SETD1B: variants seen among roughly 807,000 people sequenced by gnomAD.
SETD1B encodes the protein SET domain containing 1B, histone lysine methyltransferase.
In SETD1B, 7 loss-of-function variants were observed where a neutral mutation model predicts 148.0. That is an observed-to-expected ratio of 0.05 (90% CI 0.03 to 0.09). The LOEUF is 0.09. SETD1B is among the 10% of genes least tolerant of loss of function. The probability of loss-of-function intolerance (pLI) is 1.00; values close to 1 mark genes in which losing one functional copy is unlikely to be tolerated. For missense variants in SETD1B, 2,155 were observed against 2,729.9 expected, an observed-to-expected ratio of 0.79 and a Z score of 4.69; for synonymous variants, 1,361 against 1,186.5, an observed-to-expected ratio of 1.15 and a Z score of -3.02.
Position 121,804,674 on chromosome 12 carries a change from GGCC to G in SETD1B, c.-14-35_-14-33del, listed in dbSNP as rs939263746. ...GATTCTTTCGCGTGTGTGTAGAAGC[GGCC>G]GCCGCCGCCGCCGCGGCGGAGACGA... On this transcript the variant is annotated intron_variant, in intron 1 of 16. Transcript: ENST00000604567. The surrounding 1 kb of genome is among the most constrained non-coding windows in gnomAD (Gnocchi z 4.6). The G allele has an allele frequency of 2.6e-4, 388 of 1,490,222 alleles. No individual in the cohort carries two copies. The highest frequency in any genetic ancestry group is 4.7e-4 in the Middle Eastern group (2 of 4,216). 92.3% of individuals were successfully genotyped at this position (1,490,222 alleles called of 1,614,324 possible). A position where few individuals can be genotyped will look rare whatever the true frequency, so the allele number is the denominator to read the frequency against.
In SETD1B at chr12:121,827,815, C is replaced by T. The variant is rs1286012571; in HGVS notation, c.5550C>T (p.Asp1850=). The T allele has an allele frequency of 2.2e-5, 35 of 1,560,104 alleles. No individual in the cohort carries two copies. In the Admixed American group the frequency reaches 4.2e-4, roughly 19 times the overall value. The change falls in exon 15 of 17, where the codon GAC becomes GAT. Residue 1850 remains aspartate, a synonymous_variant. Transcript: ENST00000604567. ...GLFAMEPIAA[D]EMVIEYVGQN... ...TCGCCATGGAGCCCATCGCGGCTGA[C>T]GAGATGGTCATCGAGTACGTGGGCC... is the stretch of plus-strand genomic sequence containing the variant.
chr12:121,810,742 C>T lies in SETD1B; in HGVS notation c.1797C>T (p.Gly599=), dbSNP rs544961879. Residue 599 remains glycine, a synonymous_variant, in exon 6 of 17, where the codon GGC becomes GGT. Transcript: ENST00000604567. The surrounding 1 kb of genome is among the most constrained non-coding windows in gnomAD (Gnocchi z 7.6). ...GGCCTCGGCCTCCACCTGAGCCAGGCCCCCCGGACCCTGCTGGGCTTCTGA... is the reference window on the plus strand; with the variant it reads ...GGCCTCGGCCTCCACCTGAGCCAGGTCCCCCGGACCCTGCTGGGCTTCTGA... ...GLGPRPPPEP[G]PPDPAGLLSQ... is the part of the protein sequence containing the mutation. 4.6e-4 allele frequency: 712 copies of T among 1,550,430 alleles called. No individual in the cohort carries two copies. The highest frequency in any genetic ancestry group is 5.7e-4 in the Non-Finnish European group (652 of 1,146,330).
the SETD1B span, chr12:121,793,528 G>A: frequency 1.7e-4 from 268 of 1,544,142 alleles, 1 homozygote; most frequent in Non-Finnish European, 2.2e-4. Flanking sequence ...TACACCATGA[G>A]CAGCGAGGTC....
chr12:121,824,033 GCA>G (rs955869854), intron 12 of SETD1B, among the ~76,000 whole-genome samples: 1 of 152,250 alleles, frequency 6.6e-6, no homozygotes, highest in African/African-American at 2.4e-5. Context: ...CAGCTTAACA[GCA>G]CACACGGGCG....
rs71079098 is a variant in SETD1B, at chr12:121,817,631, CGGAGGAGGA to C, written c.3252_3260del (p.Glu1085_Glu1087del). ...GAGAGCACCGAGGAGGAAGAGGAGG[CGGAGGAGGA>C]GGAGGAGGAGGAAGTCCCCAGGAGC... On this transcript the variant is annotated inframe_deletion, in exon 9 of 17. Transcript: ENST00000604567. This position sits in a 1 kb window ranked among gnomAD's most constrained non-coding sequence, Gnocchi z 8.1. 2.6e-6 allele frequency: 4 copies of C among 1,548,486 alleles called. No individual in the cohort carries two copies. Among genetic ancestry groups the C allele is most frequent in the African/African-American group, 2.7e-5 (2 of 72,766 alleles).
chr12:121,819,845 C>T lies in SETD1B; in HGVS notation c.3860C>T (p.Pro1287Leu), dbSNP rs1876483885. ...EGAMLLSPEP[P>L]AKEVEARPPL... Reference sequence around the variant, plus strand: ...GCCATGTTGCTGTCTCCAGAGCCCCCTGCCAAGGAGGTGGAGGCTCGACCC... The same window carrying T: ...GCCATGTTGCTGTCTCCAGAGCCCCTTGCCAAGGAGGTGGAGGCTCGACCC... The change falls in exon 11 of 17, where the codon CCT becomes CTT. Residue 1287 changes from proline to leucine, a missense_variant. By Grantham distance (98) the Pro-to-Leu change is moderately conservative. Transcript: ENST00000604567. The T allele has an allele frequency of 1.3e-6, 2 of 1,551,340 alleles. No individual in the cohort carries two copies. The highest frequency in any genetic ancestry group is 1.7e-6 in the Non-Finnish European group (2 of 1,146,918).
Position 121,810,241 on chromosome 12 carries a change from G to C in SETD1B, c.1296G>C (p.Pro432=). ...ACAGTGGGGAGTTCCGGAGGGCACC[G>C]GCGCCCCCACCCCTGCCACCTGCTG... ...ARDSGEFRRA[P]APPPLPPAEP... is the part of the protein sequence containing the mutation. The change falls in exon 6 of 17, where the codon CCG becomes CCC. Residue 432 remains proline (P), a synonymous_variant. Transcript: ENST00000604567. This position sits in a 1 kb window ranked among gnomAD's most constrained non-coding sequence, Gnocchi z 7.6. 2 of 1,547,128 alleles carry C rather than the reference G, an allele frequency of 1.3e-6. No homozygotes were observed. The highest frequency in any genetic ancestry group is 1.7e-6 in the Non-Finnish European group (2 of 1,146,812).
chr12:121,815,680 G>T (rs979123636), intron 7 of SETD1B, among the ~76,000 whole-genome samples: 1 of 151,914 alleles, frequency 6.6e-6, no homozygotes. Context: ...CAGCTAATTT[G>T]TGTGTTTTTC....
Position 121,809,674 on chromosome 12 carries a change from C to T in SETD1B, c.729C>T (p.Val243=). The T allele has an allele frequency of 6.4e-7, 1 of 1,551,672 alleles. No individual in the cohort carries two copies. Among genetic ancestry groups the T allele is most frequent in the Non-Finnish European group, 8.7e-7 (1 of 1,146,994 alleles). Residue 243 remains valine, a synonymous_variant, in exon 6 of 17, where the codon GTC becomes GTT. Transcript: ENST00000604567. ...SAGCGSGSSS[V]TPNSGGTPFS... is the part of the protein sequence containing the mutation. ...GCTGTGGCTCCGGCTCCTCCTCTGTCACCCCCAATAGCGGTGGGACACCCT... is the reference window on the plus strand; with the variant it reads ...GCTGTGGCTCCGGCTCCTCCTCTGTTACCCCCAATAGCGGTGGGACACCCT...
the SETD1B span, chr12:121,794,206 G>C: frequency 6.5e-6 from 1 of 152,792 alleles, no homozygotes; most frequent in Non-Finnish European, 1.5e-5. Flanking sequence ...CAGGGAAGAT[G>C]CTGACGCGAG....
rs907823002 is a variant in SETD1B, at chr12:121,819,722, G to A, written c.3737G>A (p.Arg1246Gln). 13 of 1,551,028 alleles carry A rather than the reference G, an allele frequency of 8.4e-6. No individual in the cohort carries two copies. The highest frequency in any genetic ancestry group is 2.4e-5 in the South Asian group (2 of 84,048). ...IETEAVAPEE[R>Q]PSMLDEPPLP... ...ACTGAGGCTGTGGCCCCTGAGGAGC[G>A]GCCCTCCATGCTGGACGAGCCCCCC... The change falls in exon 11 of 17, where the codon CGG becomes CAG. Residue 1246 changes from arginine (R) to glutamine (Q), a missense_variant. By Grantham distance (43) the Arg-to-Gln change is conservative. Transcript: ENST00000604567.
rs1185061392 is a variant in SETD1B, at chr12:121,814,370, G to C, written c.2155G>C (p.Ala719Pro). 1.9e-6 allele frequency: 1 copy of C among 514,944 alleles called. No individual in the cohort carries two copies. Among genetic ancestry groups the C allele is most frequent in the Non-Finnish European group, 3.0e-6 (1 of 337,178 alleles). 31.9% of individuals were successfully genotyped at this position (514,944 alleles called of 1,614,324 possible). ...LPPPPPPPPP[A>P]HPAVTVPPPP... is the part of the protein sequence containing the mutation. Reference sequence around the variant, plus strand: ...CCCACCGCCGCCCCCACCCCCTCCAGCCCACCCTGCTGTGACAGTGCCCCC... The same window carrying C: ...CCCACCGCCGCCCCCACCCCCTCCACCCCACCCTGCTGTGACAGTGCCCCC... The change falls in exon 7 of 17, where the codon GCC (alanine) becomes CCC (proline). Residue 719 changes from alanine (A) to proline (P), a missense_variant. Ala to Pro is a conservative substitution (Grantham distance 27). Transcript: ENST00000604567.
chr12:121,820,777 C>T (rs753302353), intron 11 of SETD1B, among the ~76,000 whole-genome samples: 1 of 152,222 alleles, frequency 6.6e-6, no homozygotes, highest in Non-Finnish European at 1.5e-5. Flanking sequence ...TCATGATCCA[C>T]CCACCTCGGC....
chr12:121,813,983 T>C, intron 6 of SETD1B, 123 bp from the exon 7 acceptor site: 1 of 743,388 alleles, frequency 1.3e-6, no homozygotes, highest in Non-Finnish European at 2.1e-6. Flanking sequence ...TTGGAGAGGC[T>C]GAATGGCTTG....
chr12:121,812,643 G>A (rs553304646), intron 6 of SETD1B, among the ~76,000 whole-genome samples: 1 of 152,132 alleles, frequency 6.6e-6, no homozygotes, highest in South Asian at 2.1e-4. Flanking sequence ...TGTGTGCCGC[G>A]GCGCGCTGTG....
Position 121,810,190 on chromosome 12 carries a change from C to T in SETD1B, c.1245C>T (p.Thr415=), listed in dbSNP as rs768205948. 3.0e-5 allele frequency: 46 copies of T among 1,549,600 alleles called. No individual in the cohort carries two copies. The highest frequency in any genetic ancestry group is 1.5e-4 in the South Asian group (13 of 84,036). ...TCCCTCCACCCCCGGAAGAGCCCAC[C>T]GCCACAGCCGCTTTTGGGGCCCGCG... ...AHFPPPPEEP[T]ATAAFGARDS... The change falls in exon 6 of 17, where the codon ACC becomes ACT. Residue 415 remains threonine, a synonymous_variant. Coordinates refer to ENST00000604567, the MANE Select transcript of SETD1B (RefSeq NM_001353345.2). This position sits in a 1 kb window ranked among gnomAD's most constrained non-coding sequence, Gnocchi z 7.6.
In SETD1B at chr12:121,804,429, C is replaced by G. The variant is rs941316276; in HGVS notation, c.-15+196C>G. Among the ~76,000 whole-genome samples, 11 of 148,738 alleles carry G rather than the reference C, an allele frequency of 7.4e-5. No homozygotes were observed. Among genetic ancestry groups the G allele is most frequent in the Non-Finnish European group, 1.5e-4 (10 of 66,904 alleles). Reference sequence around the variant, plus strand: ...GGGCGGCCGGGCGGGCACCATGGGCCGGAGTCCGCGTCCTCCGGGCGCCCC... The same window carrying G: ...GGGCGGCCGGGCGGGCACCATGGGCGGGAGTCCGCGTCCTCCGGGCGCCCC... On this transcript the variant is annotated intron_variant, in intron 1 of 16. Transcript: ENST00000604567. The surrounding 1 kb of genome is among the most constrained non-coding windows in gnomAD (Gnocchi z 4.6).
At chr12:121,820,543 AT>A (rs1180695038) in intron 11 of SETD1B, among the ~76,000 whole-genome samples, 1 of 151,340 alleles carries the variant, frequency 6.6e-6, no homozygotes, top group Non-Finnish European at 1.5e-5. Flanking sequence ...TTTTATTTTT[AT>A]TTTTTTTGAG....
At position 121,830,311 on chromosome 12, in the gene SETD1B, G is replaced by A. The variant is rs1877034735; in HGVS notation, c.*72G>A. 6.9e-7 allele frequency: 1 copy of A among 1,452,892 alleles called. No individual in the cohort carries two copies. The highest frequency in any genetic ancestry group is 2.5e-5 in the East Asian group (1 of 40,152). 90.0% of individuals were successfully genotyped at this position (1,452,892 alleles called of 1,614,324 possible). A position where few individuals can be genotyped will look rare whatever the true frequency, so the allele number is the denominator to read the frequency against. ...CCGAGCGTGGAGCCCCTGGCCCCGG[G>A]GCCCGGCCCCCCGCGCCCGCCCCCA... On this transcript the variant is annotated 3_prime_UTR_variant, in exon 17 of 17. Coordinates refer to ENST00000604567, the MANE Select transcript of SETD1B (RefSeq NM_001353345.2). The surrounding 1 kb of genome is among the most constrained non-coding windows in gnomAD (Gnocchi z 5.7).
Sources: gnomAD v4.1 joint callset for allele counts (sites outside exome capture counted in the v4.1 genomes callset) on GRCh38, gnomAD v4.1.1 for gene constraint, Gnocchi (gnomAD v3.1) non-coding constraint, MANE v1.5 for transcripts, NCBI Gene and HGNC (gene_info 2026-07-23, HGNC 2026-07-21) for gene names.